GADD45B: variants seen among roughly 807,000 people sequenced by gnomAD.
The protein encoded by GADD45B is growth arrest and DNA damage inducible beta, also known as growth arrest and DNA damage-inducible protein GADD45 beta.
In GADD45B, 8 loss-of-function variants were observed where a neutral mutation model predicts 15.2. The ratio of observed to expected loss-of-function variants is 0.53; its 90% confidence interval spans 0.31 to 0.95. GADD45B has a LOEUF of 0.95. Ranked by LOEUF, GADD45B falls within the 40% of genes least tolerant of loss-of-function variation. The probability of loss-of-function intolerance (pLI) is 0.05; values close to 1 mark genes in which losing one functional copy is unlikely to be tolerated. For missense variants in GADD45B, 162 were observed against 216.6 expected, an observed-to-expected ratio of 0.75 and a Z score of 1.58; for synonymous variants, 100 against 89.8, an observed-to-expected ratio of 1.11 and a Z score of -0.64.
rs1972344348 is a variant in GADD45B at position 2,478,003 on chromosome 19, C to T, written c.*402C>T. On this transcript the variant is annotated 3_prime_UTR_variant, in exon 4 of 4. Coordinates refer to ENST00000215631, the MANE Select transcript of GADD45B (RefSeq NM_015675.4). ...AGCCCCACCCTCCTTGAGACTGGAG[C>T]TGGCGTCTGCATACGAGAGACTTGG... The T allele has an allele frequency of 6.1e-6, 1 of 164,396 alleles. No individual in the cohort carries two copies. Among genetic ancestry groups the T allele is most frequent in the Non-Finnish European group, 1.4e-5 (1 of 74,026 alleles). The allele number at this position is 164,396 out of a possible 1,614,324, so 10.2% of individuals were successfully genotyped here.
At position 2,477,444 on chromosome 19, in the gene GADD45B, G is replaced by A. The variant is rs577892007; in HGVS notation, c.370-44G>A. The A allele has an allele frequency of 8.0e-6, 11 of 1,372,888 alleles. No individual in the cohort carries two copies. The South Asian group carries it at 8.3e-5, about 10-fold the overall frequency. The allele number at this position is 1,372,888 out of a possible 1,614,324, so 85.0% of individuals were successfully genotyped here. A position where few individuals can be genotyped will look rare whatever the true frequency, so the allele number is the denominator to read the frequency against. ...ACTGTTTTCCCCACACAGGGGCCCCGGGAGAGGGAGGCTCCACTAAACCCC... is the reference window on the plus strand; with the variant it reads ...ACTGTTTTCCCCACACAGGGGCCCCAGGAGAGGGAGGCTCCACTAAACCCC... On this transcript the variant is annotated intron_variant, in intron 3 of 3. Transcript: ENST00000215631. The surrounding 1 kb of genome is among the most constrained non-coding windows in gnomAD (Gnocchi z 4.2).
In GADD45B at chr19:2,477,421, T is replaced by G; in HGVS notation, c.370-67T>G. 8.4e-7 allele frequency: 1 copy of G among 1,185,056 alleles called. No individual in the cohort carries two copies. Among genetic ancestry groups the G allele is most frequent in the Non-Finnish European group, 1.2e-6 (1 of 815,434 alleles). The allele number at this position is 1,185,056 out of a possible 1,614,324, so 73.4% of individuals were successfully genotyped here. On this transcript the variant is annotated intron_variant, in intron 3 of 3. Transcript: ENST00000215631. This position sits in a 1 kb window ranked among gnomAD's most constrained non-coding sequence, Gnocchi z 4.2. ...CCCAGGAAGCTATTTTGAGCCTGAC[T>G]GTTTTCCCCACACAGGGGCCCCGGG...
Position 2,477,759 on chromosome 19 carries a change from G to A in GADD45B, c.*158G>A, listed in dbSNP as rs1008327431. ...GTTGGAGACTGAAGAGGAAGAGGAG[G>A]AGGAGAAGGGGAGTGAGCGGCCGCC... On this transcript the variant is annotated 3_prime_UTR_variant, in exon 4 of 4. Coordinates refer to ENST00000215631, the MANE Select transcript of GADD45B (RefSeq NM_015675.4). The surrounding 1 kb of genome is among the most constrained non-coding windows in gnomAD (Gnocchi z 4.2). The A allele has an allele frequency of 7.9e-6, 4 of 509,434 alleles. No individual in the cohort carries two copies. The highest frequency in any genetic ancestry group is 4.8e-5 in the South Asian group (2 of 41,832). The allele number at this position is 509,434 out of a possible 1,614,324, so 31.6% of individuals were successfully genotyped here. A position where few individuals can be genotyped will look rare whatever the true frequency, so the allele number is the denominator to read the frequency against.
rs546752644 is a variant in GADD45B, at chr19:2,477,688, C to T, written c.*87C>T. ...TTGAACCCCCTCCCCCCCAGCACAA[C>T]CCCCCCAAAACAACCCAACCCACGA... On this transcript the variant is annotated 3_prime_UTR_variant, in exon 4 of 4. Coordinates refer to ENST00000215631, the MANE Select transcript of GADD45B (RefSeq NM_015675.4). This position sits in a 1 kb window ranked among gnomAD's most constrained non-coding sequence, Gnocchi z 4.2. 4.6e-4 allele frequency: 276 copies of T among 603,698 alleles called. No individual in the cohort carries two copies. Among genetic ancestry groups the T allele is most frequent in the Non-Finnish European group, 6.2e-4 (213 of 342,328 alleles). 37.4% of individuals were successfully genotyped at this position (603,698 alleles called of 1,614,324 possible). A position where few individuals can be genotyped will look rare whatever the true frequency, so the allele number is the denominator to read the frequency against.
In GADD45B at chr19:2,476,162, C is replaced by A. The variant is rs1005070723; in HGVS notation, c.-197C>A. On this transcript the variant is annotated 5_prime_UTR_variant, in exon 1 of 4. Transcript: ENST00000215631. ...AGCGTCGGACTACCGTTGGTTTCCG[C>A]AACTTCCTGGATTATCCTCGCCAAG... is the stretch of plus-strand genomic sequence containing the variant. 2 of 627,666 alleles carry A rather than the reference C, an allele frequency of 3.2e-6. No homozygotes were observed. The highest frequency in any genetic ancestry group is 5.6e-6 in the Non-Finnish European group (2 of 355,716). 38.9% of individuals were successfully genotyped at this position (627,666 alleles called of 1,614,324 possible). A position where few individuals can be genotyped will look rare whatever the true frequency, so the allele number is the denominator to read the frequency against.
rs148464154 is a variant in GADD45B, at chr19:2,477,517, C to T, written c.399C>T (p.His133=). 3.0e-4 allele frequency: 484 copies of T among 1,613,622 alleles called. 1 individual carries two copies. The highest frequency in any genetic ancestry group is 2.4e-3 in the African/African-American group (178 of 75,046). Residue 133 remains histidine, a synonymous_variant, in exon 4 of 4, where the codon CAC becomes CAT. Transcript: ENST00000215631. The surrounding 1 kb of genome is among the most constrained non-coding windows in gnomAD (Gnocchi z 4.2). ...TNPHTDAWKS[H]GLVEVASYCE... ...CTCACACGGACGCCTGGAAGAGCCACGGCTTGGTGGAGGTGGCCAGCTACT... is the reference window on the plus strand; with the variant it reads ...CTCACACGGACGCCTGGAAGAGCCATGGCTTGGTGGAGGTGGCCAGCTACT...
At position 2,477,477 on chromosome 19, in the gene GADD45B, C is replaced by A. The variant is rs761530963; in HGVS notation, c.370-11C>A. On this transcript the variant is annotated splice_polypyrimidine_tract_variant and intron_variant, in intron 3 of 3. Transcript: ENST00000215631. This position sits in a 1 kb window ranked among gnomAD's most constrained non-coding sequence, Gnocchi z 4.2. The stretch of plus-strand genomic sequence containing the variant: ...GAGGCTCCACTAAACCCCTTCTTTT[C>A]CCTCCTACAGAACCCTCACACGGAC... 6.3e-7 allele frequency: 1 copy of A among 1,582,714 alleles called. No homozygotes were observed. The highest frequency in any genetic ancestry group is 8.7e-7 in the Non-Finnish European group (1 of 1,152,350).
At position 2,477,083 on chromosome 19, in the gene GADD45B, T is replaced by G. The variant is rs1972327844; in HGVS notation, c.201T>G (p.Asp67Glu). Residue 67 changes from aspartate to glutamate, a missense_variant, in exon 3 of 4, where the codon GAT becomes GAG. Coordinates refer to ENST00000215631, the MANE Select transcript of GADD45B (RefSeq NM_015675.4). This position sits in a 1 kb window ranked among gnomAD's most constrained non-coding sequence, Gnocchi z 4.2. ...TGGCCATTGACGAGGAGGAGGAGGA[T>G]GACATCGCCCTGCAAATCCACTTCA... is the stretch of plus-strand genomic sequence containing the variant. ...CLLAIDEEEE[D>E]DIALQIHFTL... is the part of the protein sequence containing the mutation. 6.2e-7 allele frequency: 1 copy of G among 1,613,746 alleles called. No individual in the cohort carries two copies. Among genetic ancestry groups the G allele is most frequent in the Non-Finnish European group, 8.5e-7 (1 of 1,179,820 alleles).
Position 2,476,254 on chromosome 19 carries a change from G to A in GADD45B, c.-105G>A, listed in dbSNP as rs1004476837. On this transcript the variant is annotated 5_prime_UTR_variant, in exon 1 of 4. Coordinates refer to ENST00000215631, the MANE Select transcript of GADD45B (RefSeq NM_015675.4). ...GCTGCTTCCCGAAGGTCTTGGACGA[G>A]CGCTCTAGCTCTGTGGGAAGGTTTT... 46 of 1,059,674 alleles carry A rather than the reference G, an allele frequency of 4.3e-5. No individual in the cohort carries two copies. The highest frequency in any genetic ancestry group is 6.0e-5 in the Non-Finnish European group (41 of 679,506). 65.6% of individuals were successfully genotyped at this position (1,059,674 alleles called of 1,614,324 possible). A position where few individuals can be genotyped will look rare whatever the true frequency, so the allele number is the denominator to read the frequency against.
intron 1 of GADD45B, 45 bp downstream of exon 1, chr19:2,476,447 A>ACGGTT: frequency 6.5e-7 from 1 of 1,537,132 alleles, no homozygotes; most frequent in Non-Finnish European, 9.0e-7. Context: ...CCGGGACGGG[A>ACGGTT]TGGGTCGGGT....
At chr19:2,476,754 T>C (rs1972321538) in intron 2 of GADD45B, 124 bp downstream of exon 2, 1 of 654,924 alleles carries the variant, frequency 1.5e-6, no homozygotes, top group Non-Finnish European at 2.6e-6. Context: ...CCGCTGTGGA[T>C]GCAGAGCTTC....
rs751005756 is a variant in GADD45B, at chr19:2,477,806, C to G, written c.*205C>G. ...CGCCCCCAGGGCGGAGATCCAGGAG[C>G]TGGCGGCCGCCGATCCGATGGAGAA... On this transcript the variant is annotated 3_prime_UTR_variant, in exon 4 of 4. Coordinates refer to ENST00000215631, the MANE Select transcript of GADD45B (RefSeq NM_015675.4). This position sits in a 1 kb window ranked among gnomAD's most constrained non-coding sequence, Gnocchi z 4.2. 4.1e-4 allele frequency: 183 copies of G among 447,922 alleles called. No homozygotes were observed. The highest frequency in any genetic ancestry group is 6.6e-4 in the Non-Finnish European group (161 of 245,538). The allele number at this position is 447,922 out of a possible 1,614,324, so 27.7% of individuals were successfully genotyped here.
chr19:2,477,149 C>T lies in GADD45B; in HGVS notation c.267C>T (p.Ile89=). 2 of 1,613,706 alleles carry T rather than the reference C, an allele frequency of 1.2e-6. No homozygotes were observed. The highest frequency in any genetic ancestry group is 1.7e-6 in the Non-Finnish European group (2 of 1,179,864). Residue 89 remains isoleucine (I), a synonymous_variant, in exon 3 of 4, where the codon ATC becomes ATT. Coordinates refer to ENST00000215631, the MANE Select transcript of GADD45B (RefSeq NM_015675.4). The surrounding 1 kb of genome is among the most constrained non-coding windows in gnomAD (Gnocchi z 4.2). Reference sequence around the variant, plus strand: ...TCTGCTGTGACAACGACATCAACATCGTGCGGGTGTCGGGCATGCAGCGCC... The same window carrying T: ...TCTGCTGTGACAACGACATCAACATTGTGCGGGTGTCGGGCATGCAGCGCC... ...QSFCCDNDIN[I]VRVSGMQRLA...
Position 2,476,548 on chromosome 19 carries a change from G to A in GADD45B, c.64G>A (p.Ala22Thr). 6.2e-7 allele frequency: 1 copy of A among 1,606,186 alleles called. No individual in the cohort carries two copies. Among genetic ancestry groups the A allele is most frequent in the Non-Finnish European group, 8.5e-7 (1 of 1,174,692 alleles). Residue 22 changes from alanine to threonine, a missense_variant, in exon 2 of 4, where the codon GCG (alanine) becomes ACG (threonine). Coordinates refer to ENST00000215631, the MANE Select transcript of GADD45B (RefSeq NM_015675.4). ...AAQKMQTVTA[A>T]VEELLVAAQR... ...TCTCAGGATGCAGACGGTGACCGCC[G>A]CGGTGGAGGAGCTTTTGGTGGCCGC...
Position 2,477,687 on chromosome 19 carries a change from A to ACC in GADD45B, c.*92_*93dup. The ACC allele has an allele frequency of 1.9e-6, 1 of 515,396 alleles. No homozygotes were observed. Among genetic ancestry groups the ACC allele is most frequent in the Admixed American group, 2.7e-5 (1 of 37,270 alleles). The allele number at this position is 515,396 out of a possible 1,614,324, so 31.9% of individuals were successfully genotyped here. ...TTTGAACCCCCTCCCCCCCAGCACA[A>ACC]CCCCCCCAAAACAACCCAACCCACG... On this transcript the variant is annotated 3_prime_UTR_variant, in exon 4 of 4. Transcript: ENST00000215631. The surrounding 1 kb of genome is among the most constrained non-coding windows in gnomAD (Gnocchi z 4.2).
At position 2,476,584 on chromosome 19, in the gene GADD45B, G is replaced by A. The variant is rs751761346; in HGVS notation, c.100G>A (p.Asp34Asn). 1.9e-6 allele frequency: 3 copies of A among 1,602,554 alleles called. No homozygotes were observed. The highest frequency in any genetic ancestry group is 2.6e-6 in the Non-Finnish European group (3 of 1,172,544). ...EELLVAAQRQ[D>N]RLTVGVYESA... ...GCTTTTGGTGGCCGCTCAGCGCCAG[G>A]ATCGCCTCACAGTGGGGGTGTACGA... Residue 34 changes from aspartate (D) to asparagine (N), a missense_variant, in exon 2 of 4, where the codon GAT (aspartate) becomes AAT (asparagine). Transcript: ENST00000215631.
intron 2 of GADD45B, 192 bp downstream of exon 2, chr19:2,476,822 C>T (rs1972322826): frequency 4.9e-6 from 3 of 608,526 alleles, no homozygotes; most frequent in Non-Finnish European, 8.7e-6. Flanking sequence ...GCAAACACCC[C>T]TCCCGCCGTG....
Position 2,477,308 on chromosome 19 carries a change from C to A in GADD45B, c.369+57C>A. 7.8e-7 allele frequency: 1 copy of A among 1,283,060 alleles called. No individual in the cohort carries two copies. The highest frequency in any genetic ancestry group is 1.1e-6 in the Non-Finnish European group (1 of 931,894). 79.5% of individuals were successfully genotyped at this position (1,283,060 alleles called of 1,614,324 possible). A position where few individuals can be genotyped will look rare whatever the true frequency, so the allele number is the denominator to read the frequency against. On this transcript the variant is annotated intron_variant, in intron 3 of 3. Transcript: ENST00000215631. The surrounding 1 kb of genome is among the most constrained non-coding windows in gnomAD (Gnocchi z 4.2). ...CCCGGGCACCTGGGCCGGTGTTTGTCAACAAAGTCGGGCTGACTGGTCCTG... is the reference window on the plus strand; with the variant it reads ...CCCGGGCACCTGGGCCGGTGTTTGTAAACAAAGTCGGGCTGACTGGTCCTG...
Position 2,476,410 on chromosome 19 carries a change from G to A in GADD45B, c.44+8G>A. The A allele has an allele frequency of 6.2e-7, 1 of 1,613,160 alleles. No individual in the cohort carries two copies. The highest frequency in any genetic ancestry group is 8.5e-7 in the Non-Finnish European group (1 of 1,179,816). On this transcript the variant is annotated splice_region_variant and intron_variant, in intron 1 of 3. Transcript: ENST00000215631. ...CGACAACGCGGCGCAGAAGTAAGTA[G>A]CCGGGGCTGCCGCCGCCTGAGGTCA...
Sources: gnomAD v4.1 joint callset for allele counts on GRCh38, gnomAD v4.1.1 for gene constraint, Gnocchi (gnomAD v3.1) non-coding constraint, MANE v1.5 for transcripts, NCBI Gene and HGNC (gene_info 2026-07-23, HGNC 2026-07-21) for gene names.